AGAP1: variants seen among roughly 807,000 people sequenced by gnomAD.
AGAP1 encodes the protein ArfGAP with GTPase domain, ankyrin repeat and PH domain 1.
A neutral mutation model predicts 105.3 loss-of-function variants in AGAP1; 29 were observed. The ratio of observed to expected loss-of-function variants is 0.28; its 90% confidence interval spans 0.21 to 0.38. The LOEUF (loss-of-function observed/expected upper bound fraction) is 0.38, where lower values mean the gene tolerates loss of function less well. Among genes scored for constraint, AGAP1 ranks in the 10% least tolerant of loss-of-function variants. The pLI is 1.00. For missense variants in AGAP1, 998 were observed against 1,165.1 expected, an observed-to-expected ratio of 0.86 and a Z score of 2.09; for synonymous variants, 509 against 485.9, an observed-to-expected ratio of 1.05 and a Z score of -0.63.
At chr2:235,954,517 C>T (rs1008613410) in intron 12 of AGAP1, among the ~76,000 whole-genome samples, 8 of 149,588 alleles carry the variant, frequency 5.3e-5, no homozygotes, top group African/African-American at 7.4e-5. Flanking sequence ...CATCTTTTGG[C>T]GGAAGTGACT....
In AGAP1 at chr2:236,024,597, T is replaced by C. The variant is rs1477610011; in HGVS notation, c.1646-11964T>C. 2.6e-5 allele frequency among the ~76,000 whole-genome samples: 4 copies of C among 152,122 alleles called. No individual in the cohort carries two copies. The East Asian group carries it at 5.8e-4, about 22-fold the overall frequency. On this transcript the variant is annotated intron_variant, in intron 13 of 17. Transcript: ENST00000304032. ...TTTAGCCCTTTAACCCTTTGTCTGC[T>C]AGAATTCCGCAAAAAAATAATTGAT... is the stretch of plus-strand genomic sequence containing the variant.
intron 9 of AGAP1, among the ~76,000 whole-genome samples, chr2:235,871,258 A>T (rs2049422413): frequency 1.3e-5 from 2 of 152,314 alleles, no homozygotes; most frequent in East Asian, 3.9e-4. Flanking sequence ...TTTACAGTTG[A>T]AATATTTTTT....
chr2:235,934,855 T>G lies in AGAP1; in HGVS notation c.1483+3932T>G, dbSNP rs114394375. On this transcript the variant is annotated intron_variant, in intron 12 of 17. Transcript: ENST00000304032. This position sits in a 1 kb window ranked among gnomAD's most constrained non-coding sequence, Gnocchi z 4.9. Reference sequence around the variant, plus strand: ...TGTTGTGCACTCTTACTCTAAAACATAATAATCACGGCAACATTGGGATTC... The same window carrying G: ...TGTTGTGCACTCTTACTCTAAAACAGAATAATCACGGCAACATTGGGATTC... Among the ~76,000 whole-genome samples, 1,405 of 151,976 alleles carry G rather than the reference T, an allele frequency of 9.2e-3. 22 individuals are homozygous for G. Among genetic ancestry groups the G allele is most frequent in the African/African-American group, 0.032 (1,315 of 41,498 alleles).
At chr2:235,606,213 A>C (rs182735255) in intron 1 of AGAP1, among the ~76,000 whole-genome samples, 1 of 152,270 alleles carries the variant, frequency 6.6e-6, no homozygotes, top group Non-Finnish European at 1.5e-5. Context: ...ATTGCTTCAC[A>C]TATGTTTGCG....
chr2:235,742,824 A>T (rs139774077), intron 4 of AGAP1, among the ~76,000 whole-genome samples: 2 of 152,234 alleles, frequency 1.3e-5, no homozygotes, highest in Non-Finnish European at 2.9e-5. Context: ...ACAACTGAAG[A>T]GCAAGTCTTA....
In AGAP1 at chr2:235,997,234, C is replaced by T. The variant is rs1474819387; in HGVS notation, c.1645+28611C>T. Reference sequence around the variant, plus strand: ...CCTCCCGAGCAACTGGGATTACAGGCGTGCACCACCACGCCTAGCTAATTT... The same window carrying T: ...CCTCCCGAGCAACTGGGATTACAGGTGTGCACCACCACGCCTAGCTAATTT... On this transcript the variant is annotated intron_variant, in intron 13 of 17. Transcript: ENST00000304032. 4.6e-5 allele frequency among the ~76,000 whole-genome samples: 7 copies of T among 152,250 alleles called. No individual in the cohort carries two copies. The East Asian group carries it at 5.8e-4, about 13-fold the overall frequency.
chr2:235,497,119 A>C (rs1224710001), intron 1 of AGAP1, among the ~76,000 whole-genome samples: 1 of 152,204 alleles, frequency 6.6e-6, no homozygotes, highest in African/African-American at 2.4e-5. Context: ...GGCTTCACCA[A>C]CCCTGTGAGG....
chr2:235,998,710 AGTGGTGATGATGATG>A (rs890055063), intron 13 of AGAP1, among the ~76,000 whole-genome samples: 4 of 82,820 alleles, frequency 4.8e-5, no homozygotes, highest in African/African-American at 1.4e-4. Flanking sequence ...TGATGATGAT[AGTGGTGATGATGATG>A]GTGATGGTAT....
rs535581763 is a variant in AGAP1, at chr2:235,516,070, G to GCTGCTC, written c.163+21226_163+21227insCCTGCT. On this transcript the variant is annotated intron_variant, in intron 1 of 17. Transcript: ENST00000304032. The stretch of plus-strand genomic sequence containing the variant: ...CATGGGCTCCTCTGCTGCTGCTGCT[G>GCTGCTC]CTGCTGCTGCTGCTGCTGCTGCTGG... Among the ~76,000 whole-genome samples the GCTGCTC allele has an allele frequency of 8.1e-3, 1,149 of 141,854 alleles. 11 individuals are homozygous for GCTGCTC. Among genetic ancestry groups the GCTGCTC allele is most frequent in the Non-Finnish European group, 0.013 (801 of 62,404 alleles). 93.1% of individuals were successfully genotyped at this position (141,854 alleles called of 152,430 possible).
At chr2:235,594,659 C>T (rs1358340744) in intron 1 of AGAP1, among the ~76,000 whole-genome samples, 3 of 152,014 alleles carry the variant, frequency 2.0e-5, no homozygotes, top group Non-Finnish European at 2.9e-5. Flanking sequence ...GCTGCAACCT[C>T]CATCTTCCGG....
intron 13 of AGAP1, among the ~76,000 whole-genome samples, chr2:236,022,346 G>A (rs1357095600): frequency 6.6e-6 from 1 of 152,146 alleles, no homozygotes; most frequent in Non-Finnish European, 1.5e-5. Flanking sequence ...GGACTCTCTT[G>A]GCTAGACAAA....
Position 235,608,886 on chromosome 2 carries a change from C to T in AGAP1, c.164-100293C>T, listed in dbSNP as rs755784568. On this transcript the variant is annotated intron_variant, in intron 1 of 17. Transcript: ENST00000304032. The surrounding 1 kb of genome is among the most constrained non-coding windows in gnomAD (Gnocchi z 5.4). ...AGAGCTGGCATGACCCACTTTTGAC[C>T]GTAAAACCTTTCAGCTTGTTCTTGA... is the stretch of plus-strand genomic sequence containing the variant. 1.3e-5 allele frequency among the ~76,000 whole-genome samples: 2 copies of T among 152,042 alleles called. No homozygotes were observed. Among genetic ancestry groups the T allele is most frequent in the African/African-American group, 4.8e-5 (2 of 41,372 alleles).
chr2:235,677,120 TCTC>T (rs1476369255), intron 1 of AGAP1, among the ~76,000 whole-genome samples: 2 of 152,232 alleles, frequency 1.3e-5, no homozygotes, highest in African/African-American at 4.8e-5. Context: ...AGTTCTCTCT[TCTC>T]CTGTGAAGAC....
Position 235,558,758 on chromosome 2 carries a change from G to A in AGAP1, c.163+63909G>A, listed in dbSNP as rs1031049436. Among the ~76,000 whole-genome samples the A allele has an allele frequency of 3.9e-5, 6 of 152,126 alleles. No homozygotes were observed. The South Asian group carries it at 6.2e-4, about 16-fold the overall frequency. ...AGCCGCAGCAACTTACAATAATGCC[G>A]TTATGCCCTCAGCCATAAACACATT... On this transcript the variant is annotated intron_variant, in intron 1 of 17. Transcript: ENST00000304032.
At position 235,736,386 on chromosome 2, in the gene AGAP1, T is replaced by C. The variant is rs1380205781; in HGVS notation, c.311-4577T>C. The stretch of plus-strand genomic sequence containing the variant: ...GTCATTTAATCGTACGTCATCATAA[T>C]TGGCAGCAGAGAAGGTTGCACATCA... On this transcript the variant is annotated intron_variant, in intron 3 of 17. Coordinates refer to ENST00000304032, the MANE Select transcript of AGAP1 (RefSeq NM_001037131.3). This position sits in a 1 kb window ranked among gnomAD's most constrained non-coding sequence, Gnocchi z 5.5. 2.0e-5 allele frequency among the ~76,000 whole-genome samples: 3 copies of C among 152,082 alleles called. No individual in the cohort carries two copies. The highest frequency in any genetic ancestry group is 4.8e-5 in the African/African-American group (2 of 41,418).
chr2:235,834,987 A>G (rs1393952355), intron 9 of AGAP1, among the ~76,000 whole-genome samples: 2 of 152,258 alleles, frequency 1.3e-5, no homozygotes, highest in Non-Finnish European at 2.9e-5. Flanking sequence ...TGGAGTGGAC[A>G]GGAATGACTT....
Position 235,625,607 on chromosome 2 carries a change from A to G in AGAP1, c.164-83572A>G, listed in dbSNP as rs973095223. Among the ~76,000 whole-genome samples, 1 of 152,244 alleles carries G rather than the reference A, an allele frequency of 6.6e-6. No homozygotes were observed. The highest frequency in any genetic ancestry group is 1.5e-5 in the Non-Finnish European group (1 of 68,040). The stretch of plus-strand genomic sequence containing the variant: ...CTTCAGCTTAAAAGGTGGGGTTAAT[A>G]GGGAACAACATAAATGAGGGCAGGT... On this transcript the variant is annotated intron_variant, in intron 1 of 17. Transcript: ENST00000304032. This position sits in a 1 kb window ranked among gnomAD's most constrained non-coding sequence, Gnocchi z 4.0.
At chr2:235,626,044 A>G (rs1410804481) in intron 1 of AGAP1, among the ~76,000 whole-genome samples, 1 of 152,086 alleles carries the variant, frequency 6.6e-6, no homozygotes, top group Non-Finnish European at 1.5e-5. Context: ...CTGCCTCCAT[A>G]CTGTACAGAA....
chr2:235,940,176 C>T (rs568444878), intron 12 of AGAP1, among the ~76,000 whole-genome samples: 6 of 152,298 alleles, frequency 3.9e-5, no homozygotes, highest in African/African-American at 1.4e-4. Context: ...GCTTGGTTCC[C>T]TCCACTTGAC....
Sources: gnomAD v4.1 joint callset for allele counts (sites outside exome capture counted in the v4.1 genomes callset) on GRCh38, gnomAD v4.1.1 for gene constraint, Gnocchi (gnomAD v3.1) non-coding constraint, MANE v1.5 for transcripts, NCBI Gene and HGNC (gene_info 2026-07-23, HGNC 2026-07-21) for gene names.